Variants in RIMBP2 observed in about 807,000 individuals in gnomAD.
RIMBP2 encodes the protein RIMS-binding protein 2.
In RIMBP2, 48 loss-of-function variants were observed where a neutral mutation model predicts 118.6. The ratio of observed to expected loss-of-function variants is 0.40; its 90% CI spans 0.32 to 0.51. The LOEUF (loss-of-function observed/expected upper bound fraction) is 0.51, where lower values mean the gene tolerates loss of function less well. Ranked by LOEUF, RIMBP2 falls within the 20% of genes least tolerant of loss-of-function variation. The pLI, the probability that RIMBP2 is intolerant of heterozygous loss-of-function variation, is 0.41. For synonymous variants in RIMBP2, 762 were observed against 742.9 expected, an observed-to-expected ratio of 1.03 and a Z score of -0.42; for missense variants, 1,551 against 1,768.3, an observed-to-expected ratio of 0.88 and a Z score of 2.20.
chr12:130,511,987 G>A lies in RIMBP2; in HGVS notation c.-126-5217C>T, dbSNP rs536451679. On this transcript the variant is annotated intron_variant, in intron 3 of 22. Coordinates refer to ENST00000690449, the MANE Select transcript of RIMBP2 (RefSeq NM_001393629.1). The surrounding 1 kb of genome is among the most constrained non-coding windows in gnomAD (Gnocchi z 4.3). The stretch of plus-strand genomic sequence containing the variant: ...CCACCAAGCTCAGGCTTCTGTGAGG[G>A]GCAGCTGGAAATAACCCCAGCTGAT... Among the ~76,000 whole-genome samples the A allele has an allele frequency of 5.9e-5, 9 of 152,280 alleles. No homozygotes were observed. The South Asian group carries it at 1.2e-3, about 21-fold the overall frequency.
intron 2 of RIMBP2, among the ~76,000 whole-genome samples, chr12:130,590,105 A>G (rs192343119): frequency 5.1e-4 from 78 of 152,350 alleles, no homozygotes; most frequent in Non-Finnish European, 9.1e-4. Context: ...TTCTTCCTGC[A>G]GACGCTTCTA....
At chr12:130,587,156 G>GATCATTA (rs1470739786) in intron 2 of RIMBP2, among the ~76,000 whole-genome samples, 2 of 151,188 alleles carry the variant, frequency 1.3e-5, no homozygotes, top group African/African-American at 4.9e-5. Context: ...TTAGAATGGT[G>GATCATTA]ATCATTAAAA....
chr12:130,409,679 G>C (rs1470229903), intron 19 of RIMBP2, among the ~76,000 whole-genome samples: 1 of 152,048 alleles, frequency 6.6e-6, no homozygotes, highest in African/African-American at 2.4e-5. Context: ...CTTTCATCTG[G>C]ATGACGCCTC....
At chr12:130,579,139 G>A (rs1257058388) in intron 2 of RIMBP2, among the ~76,000 whole-genome samples, 3 of 152,128 alleles carry the variant, frequency 2.0e-5, no homozygotes, top group Non-Finnish European at 1.5e-5. Flanking sequence ...CACACGGCAC[G>A]TCTGAGCCCC....
rs2061242269 is a variant in RIMBP2, at chr12:130,620,527, G to A, written c.-217+7795C>T. Among the ~76,000 whole-genome samples, 1 of 152,190 alleles carries A rather than the reference G, an allele frequency of 6.6e-6. No homozygotes were observed. The highest frequency in any genetic ancestry group is 2.4e-5 in the African/African-American group (1 of 41,456). ...GAGGCTTGAAGAACAGGCATGCACG[G>A]CCCCACAGTCCCAGGGGCCAGATGC... On this transcript the variant is annotated intron_variant, in intron 2 of 22. Transcript: ENST00000690449. This position sits in a 1 kb window ranked among gnomAD's most constrained non-coding sequence, Gnocchi z 5.3.
intron 4 of RIMBP2, among the ~76,000 whole-genome samples, chr12:130,496,059 A>G (rs7966001): frequency 0.66 from 100,930 of 152,028 alleles, 34,091 homozygotes; most frequent in African/African-American, 0.77. Context: ...GGACCACGGC[A>G]GAGAGTACGT....
intron 20 of RIMBP2, among the ~76,000 whole-genome samples, chr12:130,407,277 T>G (rs2075266739): frequency 6.6e-6 from 1 of 152,174 alleles, no homozygotes; most frequent in Non-Finnish European, 1.5e-5. Context: ...GTTTCAGCCT[T>G]CAAGACACCA....
chr12:130,441,688 C>A (rs1408138334), intron 11 of RIMBP2, among the ~76,000 whole-genome samples, 160 bp downstream of exon 11: 2 of 152,208 alleles, frequency 1.3e-5, no homozygotes, highest in Admixed American at 6.5e-5. Context: ...TGCACACGCA[C>A]ACACGTTCTG....
At chr12:130,714,196 C>T (rs1950165545) in intron 1 of RIMBP2, among the ~76,000 whole-genome samples, 1 of 152,270 alleles carries the variant, frequency 6.6e-6, no homozygotes, top group African/African-American at 2.4e-5. Context: ...CCTGCCTCTC[C>T]TCCCGCCCCC....
intron 2 of RIMBP2, among the ~76,000 whole-genome samples, chr12:130,528,305 T>C (rs2053022450): frequency 6.6e-6 from 1 of 152,138 alleles, no homozygotes. Context: ...GGGACATGGA[T>C]GGAGCTGGAA....
chr12:130,622,466 C>A lies in RIMBP2; in HGVS notation c.-217+5856G>T, dbSNP rs1039555888. On this transcript the variant is annotated intron_variant, in intron 2 of 22. Coordinates refer to ENST00000690449, the MANE Select transcript of RIMBP2 (RefSeq NM_001393629.1). The surrounding 1 kb of genome is among the most constrained non-coding windows in gnomAD (Gnocchi z 8.5). ...CTATTCACTAATTGTACGTATAATTCTCTACTATTTTTCATATATTTATAT... is the reference window on the plus strand; with the variant it reads ...CTATTCACTAATTGTACGTATAATTATCTACTATTTTTCATATATTTATAT... Among the ~76,000 whole-genome samples, 1 of 151,990 alleles carries A rather than the reference C, an allele frequency of 6.6e-6. No homozygotes were observed. Among genetic ancestry groups the A allele is most frequent in the Non-Finnish European group, 1.5e-5 (1 of 68,016 alleles).
At chr12:130,529,045 C>T (rs1027459506) in intron 2 of RIMBP2, among the ~76,000 whole-genome samples, 2 of 152,156 alleles carry the variant, frequency 1.3e-5, no homozygotes, top group Admixed American at 6.6e-5. Context: ...CAGAAACAAC[C>T]CAAGTGTCGA....
chr12:130,693,127 C>G (rs1031926801), intron 1 of RIMBP2, among the ~76,000 whole-genome samples: 19 of 152,120 alleles, frequency 1.2e-4, no homozygotes, highest in Admixed American at 1.2e-3. Context: ...CCAGCTGCCC[C>G]CATACTCCTA....
chr12:130,568,366 C>A (rs2057383739), intron 2 of RIMBP2, among the ~76,000 whole-genome samples: 1 of 152,222 alleles, frequency 6.6e-6, no homozygotes, highest in Admixed American at 6.5e-5. Context: ...GCATTAAGTT[C>A]CCAGGAATCC....
chr12:130,540,757 C>T, intron 2 of RIMBP2, among the ~76,000 whole-genome samples: 1 of 152,188 alleles, frequency 6.6e-6, no homozygotes, highest in East Asian at 1.9e-4. Context: ...TTCTTGGCTG[C>T]AGCACCCGAT....
At chr12:130,492,852 A>G (rs1418234977) in intron 4 of RIMBP2, among the ~76,000 whole-genome samples, 1 of 152,240 alleles carries the variant, frequency 6.6e-6, no homozygotes, top group Non-Finnish European at 1.5e-5. Context: ...GCACAGAACC[A>G]GGTGCGGCAG....
At chr12:130,535,689 A>G (rs2053943201) in intron 2 of RIMBP2, among the ~76,000 whole-genome samples, 1 of 145,526 alleles carries the variant, frequency 6.9e-6, no homozygotes, top group South Asian at 2.1e-4. Context: ...ATATATACAC[A>G]TATACATATA....
intron 2 of RIMBP2, among the ~76,000 whole-genome samples, chr12:130,563,367 T>C (rs1479575090): frequency 6.6e-6 from 1 of 152,230 alleles, no homozygotes; most frequent in Non-Finnish European, 1.5e-5. Context: ...AAGGCTAAAT[T>C]GGTTCAAATA....
chr12:130,529,511 G>A (rs1273829107), intron 2 of RIMBP2, among the ~76,000 whole-genome samples: 1 of 152,154 alleles, frequency 6.6e-6, no homozygotes, highest in African/African-American at 2.4e-5. Context: ...GTTTCCTTTG[G>A]GATGATGAAG....
Sources: gnomAD v4.1 joint callset for allele counts (sites outside exome capture counted in the v4.1 genomes callset) on GRCh38, gnomAD v4.1.1 for gene constraint, Gnocchi (gnomAD v3.1) non-coding constraint, MANE v1.5 for transcripts, NCBI Gene and HGNC (gene_info 2026-07-23, HGNC 2026-07-21) for gene names.